RASSF6: variants seen among roughly 807,000 people sequenced by gnomAD.
RASSF6 encodes the protein Ras association domain family member 6.
A neutral mutation model predicts 44.0 loss-of-function variants in RASSF6; 52 were observed. That is an observed-to-expected ratio of 1.18 (90% confidence interval 0.95 to 1.49). The LOEUF (loss-of-function observed/expected upper bound fraction) is 1.49. Among genes scored for constraint, RASSF6 ranks in the 40% most tolerant of loss-of-function variants. The pLI is 0.00. For missense variants in RASSF6, 464 were observed against 393.3 expected, an observed-to-expected ratio of 1.18 and a Z score of -1.52; for synonymous variants, 162 against 124.6, an observed-to-expected ratio of 1.30 and a Z score of -2.00.
chr4:73,610,995 T>C (rs2149396851), intron 2 of RASSF6, among the ~76,000 whole-genome samples: 1 of 152,334 alleles, frequency 6.6e-6, no homozygotes, highest in South Asian at 2.1e-4. Flanking sequence ...GCTGTGGCTT[T>C]ATTTCCATAT....
intron 3 of RASSF6, among the ~76,000 whole-genome samples, chr4:73,597,156 A>T (rs532714710): frequency 6.6e-6 from 1 of 152,236 alleles, no homozygotes; most frequent in Non-Finnish European, 1.5e-5. Flanking sequence ...TCTGTACAGC[A>T]AAAGAAACTA....
At chr4:73,581,935 G>A (rs1723684190) in intron 7 of RASSF6, 67 bp from the exon 8 acceptor site, 2 of 1,194,812 alleles carry the variant, frequency 1.7e-6, no homozygotes, top group Non-Finnish European at 2.4e-6. Flanking sequence ...AACCTGACCA[G>A]ACCCAAATCA....
chr4:73,601,331 CTGTTA>C (rs147303696), intron 2 of RASSF6, among the ~76,000 whole-genome samples: 3,394 of 152,284 alleles, frequency 0.022, 34 homozygotes, highest in South Asian at 0.034. Flanking sequence ...GTCTGTTTTT[CTGTTA>C]TAACTGCAGA....
chr4:73,610,530 T>G (rs1285846953), intron 2 of RASSF6, among the ~76,000 whole-genome samples: 5 of 152,196 alleles, frequency 3.3e-5, no homozygotes, highest in Non-Finnish European at 1.5e-5. Flanking sequence ...CTTCTCCTGC[T>G]GTCTTTCTAC....
rs1723022467 is a variant in RASSF6 at position 73,573,404 on chromosome 4, A to C, written c.*2831T>G. Reference sequence around the variant, plus strand: ...TGGCCTCCTAAAGTGCTGGGATTACAGGCGTGAGCCACCGTCCATGGCCTA... The same window carrying C: ...TGGCCTCCTAAAGTGCTGGGATTACCGGCGTGAGCCACCGTCCATGGCCTA... On this transcript the variant is annotated 3_prime_UTR_variant, in exon 11 of 11. Transcript: ENST00000307439. 1 of 152,246 alleles carries C rather than the reference A, an allele frequency of 6.6e-6. No individual in the cohort carries two copies. The highest frequency in any genetic ancestry group is 2.4e-5 in the African/African-American group (1 of 41,466). The allele number at this position is 152,246 out of a possible 1,614,324, so 9.4% of individuals were successfully genotyped here.
At chr4:73,580,015 C>T (rs552073885) in intron 8 of RASSF6, among the ~76,000 whole-genome samples, 1 of 121,128 alleles carries the variant, frequency 8.3e-6, no homozygotes, top group Admixed American at 9.0e-5. Context: ...AATGCTATCC[C>T]TCCCCCCTCC....
chr4:73,590,573 A>G (rs899874051), intron 4 of RASSF6, among the ~76,000 whole-genome samples: 1 of 152,244 alleles, frequency 6.6e-6, no homozygotes, highest in Non-Finnish European at 1.5e-5. Flanking sequence ...GATTGAAACA[A>G]CAAAAGTGAT....
Position 73,587,954 on chromosome 4 carries a change from G to A in RASSF6, c.288-20C>T, listed in dbSNP as rs760770905. On this transcript the variant is annotated intron_variant, in intron 4 of 10. Coordinates refer to ENST00000307439, the MANE Select transcript of RASSF6 (RefSeq NM_177532.5). Reference sequence around the variant, plus strand: ...GTCATTCTGAGAAGTAATAAATCTTGTAAGTACATCAGTTCCATTTATATT... The same window carrying A: ...GTCATTCTGAGAAGTAATAAATCTTATAAGTACATCAGTTCCATTTATATT... 2.0e-6 allele frequency: 3 copies of A among 1,481,444 alleles called. No individual in the cohort carries two copies. The African/African-American group carries it at 4.1e-5, about 20-fold the overall frequency. 91.8% of individuals were successfully genotyped at this position (1,481,444 alleles called of 1,614,324 possible).
At chr4:73,601,958 G>A (rs1205940608) in intron 2 of RASSF6, among the ~76,000 whole-genome samples, 4 of 152,198 alleles carry the variant, frequency 2.6e-5, no homozygotes, top group African/African-American at 9.7e-5. Context: ...CTGGGAGGGT[G>A]GGTGAGAGCT....
At chr4:73,598,571 T>TGC in intron 3 of RASSF6, 69 bp downstream of exon 3, 1 of 727,628 alleles carries the variant, frequency 1.4e-6, no homozygotes, top group Admixed American at 3.4e-5. Context: ...TCCAGAATTG[T>TGC]GTGTGTGTGT....
At chr4:73,605,977 T>C (rs1415082641) in intron 2 of RASSF6, among the ~76,000 whole-genome samples, 1 of 152,210 alleles carries the variant, frequency 6.6e-6, no homozygotes, top group Non-Finnish European at 1.5e-5. Flanking sequence ...GAATGTAAAT[T>C]AGTCTAGTCA....
chr4:73,594,400 A>G (rs1724792901), intron 3 of RASSF6, among the ~76,000 whole-genome samples: 1 of 152,296 alleles, frequency 6.6e-6, no homozygotes, highest in Non-Finnish European at 1.5e-5. Flanking sequence ...TAAACACTCA[A>G]TTCTTATTTG....
intron 8 of RASSF6, among the ~76,000 whole-genome samples, chr4:73,578,829 C>T (rs1723419025): frequency 6.6e-6 from 1 of 151,940 alleles, no homozygotes; most frequent in South Asian, 2.1e-4. Flanking sequence ...TCAGGCTGGT[C>T]TCAAACTCAT....
chr4:73,584,257 A>T (rs1016883445), intron 6 of RASSF6, among the ~76,000 whole-genome samples: 59 of 152,160 alleles, frequency 3.9e-4, no homozygotes, highest in African/African-American at 1.4e-3. Flanking sequence ...TCCTTACAGG[A>T]AAAAGCCTAC....
rs114321912 is a variant in RASSF6, at chr4:73,599,829, A to G, written c.66-1111T>C. The stretch of plus-strand genomic sequence containing the variant: ...CAGATTAAAAGCCAACATCCTTACA[A>G]TGGCTTAAAAGGCTGGATGCAACTG... On this transcript the variant is annotated intron_variant, in intron 2 of 10. Coordinates refer to ENST00000307439, the MANE Select transcript of RASSF6 (RefSeq NM_177532.5). Among the ~76,000 whole-genome samples the G allele has an allele frequency of 1.7e-3, 256 of 152,232 alleles. 1 individual carries two copies. Among genetic ancestry groups the G allele is most frequent in the African/African-American group, 5.6e-3 (234 of 41,554 alleles).
intron 1 of RASSF6, among the ~76,000 whole-genome samples, chr4:73,616,106 A>G (rs577818119): frequency 6.6e-6 from 1 of 152,240 alleles, no homozygotes; most frequent in African/African-American, 2.4e-5. Context: ...CGTGCTAGGC[A>G]CAGAAAGTAT....
At chr4:73,583,444 A>G (rs998446851) in intron 6 of RASSF6, among the ~76,000 whole-genome samples, 13 of 152,096 alleles carry the variant, frequency 8.5e-5, no homozygotes, top group Non-Finnish European at 1.6e-4. Flanking sequence ...ATTCACCATA[A>G]CTAATCTCCA....
intron 2 of RASSF6, among the ~76,000 whole-genome samples, chr4:73,607,695 A>C (rs1360950781): frequency 2.1e-5 from 3 of 145,594 alleles, no homozygotes; most frequent in Admixed American, 7.0e-5. Context: ...CCTGAATCAG[A>C]AACTCTGGGG....
rs142426082 is a variant in RASSF6, at chr4:73,578,757, C to T, written c.722-2026G>A. Among the ~76,000 whole-genome samples the T allele has an allele frequency of 6.5e-4, 98 of 151,778 alleles. No homozygotes were observed. The East Asian group carries it at 9.1e-3, about 14-fold the overall frequency. On this transcript the variant is annotated intron_variant, in intron 8 of 10. Transcript: ENST00000307439. ...CTGAGTAGCTGGGATTACAGGTGTGCGCCACCACACCTGGCTAATTTTTTT... is the reference window on the plus strand; with the variant it reads ...CTGAGTAGCTGGGATTACAGGTGTGTGCCACCACACCTGGCTAATTTTTTT...
Sources: allele counts gnomAD v4.1 joint callset (sites outside exome capture counted in the v4.1 genomes callset), GRCh38; gene constraint gnomAD v4.1.1; transcripts MANE v1.5; gene names NCBI Gene and HGNC (gene_info 2026-07-23, HGNC 2026-07-21).